AVL9: variants seen among roughly 807,000 people sequenced by gnomAD.
AVL9 encodes the protein late secretory pathway protein AVL9 homolog.
In AVL9, 49 loss-of-function variants were observed where a neutral mutation model predicts 79.2. The ratio of observed to expected loss-of-function variants is 0.62; its 90% CI spans 0.49 to 0.79. The LOEUF (loss-of-function observed/expected upper bound fraction) is 0.79, where lower values mean the gene tolerates loss of function less well. Ranked by LOEUF, AVL9 falls within the 30% of genes least tolerant of loss-of-function variation. AVL9 has a pLI of 0.00. For synonymous variants in AVL9, 299 were observed against 280.6 expected, an observed-to-expected ratio of 1.07 and a Z score of -0.65; for missense variants, 682 against 776.8, an observed-to-expected ratio of 0.88 and a Z score of 1.45.
chr7:32,579,364 TATATA>T lies in AVL9; in HGVS notation c.1689-849_1689-845del, dbSNP rs1300827475. 1.1e-3 allele frequency among the ~76,000 whole-genome samples: 70 copies of T among 64,020 alleles called. 6 individuals carry two copies. Among genetic ancestry groups the T allele is most frequent in the African/African-American group, 2.1e-3 (28 of 13,096 alleles). The allele number at this position is 64,020 out of a possible 152,430, so 42.0% of individuals were successfully genotyped here. On this transcript the variant is annotated intron_variant, in intron 13 of 15. Transcript: ENST00000318709. ...CACATATTTTATATAATATATAACATATATAATATATGTTATATAACATATTATAT... is the reference window on the plus strand; with the variant it reads ...CACATATTTTATATAATATATAACATATATATGTTATATAACATATTATAT...
At chr7:32,577,693 G>A (rs923355829) in intron 13 of AVL9, among the ~76,000 whole-genome samples, 13 of 152,194 alleles carry the variant, frequency 8.5e-5, no homozygotes, top group African/African-American at 2.9e-4. Flanking sequence ...CAGCTCTATA[G>A]ATGTTAGTGC....
chr7:32,517,502 C>A (rs1033809152), intron 1 of AVL9, among the ~76,000 whole-genome samples: 1 of 151,958 alleles, frequency 6.6e-6, no homozygotes, highest in Non-Finnish European at 1.5e-5. Context: ...GACGGGGTTT[C>A]ACCATCTTGG....
rs545286464 is a variant in AVL9 at position 32,579,618 on chromosome 7, A to G, written c.1689-601A>G. ...TATTATATATTATATTATATATTAT[A>G]TATATATAATACACTTTTTTCTTTT... On this transcript the variant is annotated intron_variant, in intron 13 of 15. Coordinates refer to ENST00000318709, the MANE Select transcript of AVL9 (RefSeq NM_015060.3). Among the ~76,000 whole-genome samples, 43 of 83,220 alleles carry G rather than the reference A, an allele frequency of 5.2e-4. 1 individual carries two copies. Among genetic ancestry groups the G allele is most frequent in the Non-Finnish European group, 7.9e-4 (36 of 45,604 alleles). 54.6% of individuals were successfully genotyped at this position (83,220 alleles called of 152,430 possible). A position where few individuals can be genotyped will look rare whatever the true frequency, so the allele number is the denominator to read the frequency against.
intron 2 of AVL9, among the ~76,000 whole-genome samples, chr7:32,543,768 G>A (rs1386356112): frequency 6.6e-6 from 1 of 152,220 alleles, no homozygotes; most frequent in Non-Finnish European, 1.5e-5. Context: ...GCAGGGCTGT[G>A]AAGTTCTTAC....
At chr7:32,546,030 GCTCTGAAACAATGATTTTTAA>G (rs1226503943) in intron 3 of AVL9, among the ~76,000 whole-genome samples, 1 of 144,612 alleles carries the variant, frequency 6.9e-6, no homozygotes, top group African/African-American at 2.6e-5. Flanking sequence ...GACAACCACT[GCTCTGAAACAATGATTTTTAA>G]CTAGAATTAC....
At chr7:32,523,922 A>T (rs1270859144) in intron 1 of AVL9, among the ~76,000 whole-genome samples, 9 of 151,482 alleles carry the variant, frequency 5.9e-5, no homozygotes, top group Admixed American at 2.0e-4. Context: ...TTTAGTAGAG[A>T]TGGGGTTTCA....
intron 1 of AVL9, among the ~76,000 whole-genome samples, chr7:32,527,810 G>C (rs1788468514): frequency 6.6e-6 from 1 of 152,136 alleles, no homozygotes; most frequent in South Asian, 2.1e-4. Context: ...AAAATTCAAA[G>C]TGTGTTCCAC....
intron 12 of AVL9, among the ~76,000 whole-genome samples, chr7:32,574,841 G>A (rs908135366): frequency 1.4e-4 from 21 of 152,116 alleles, no homozygotes; most frequent in Admixed American, 1.4e-3. Context: ...AGTGTTCTTA[G>A]AACAACTTCT....
chr7:32,574,753 A>T (rs144199808), intron 12 of AVL9, among the ~76,000 whole-genome samples: 2 of 74,690 alleles, frequency 2.7e-5, no homozygotes, highest in African/African-American at 1.0e-4. Context: ...TCTGATCCCA[A>T]ACAGTTTGGC....
chr7:32,503,371 T>TACACACACACACACAC (rs1210453572), intron 1 of AVL9, among the ~76,000 whole-genome samples: 1 of 105,162 alleles, frequency 9.5e-6, no homozygotes, highest in Non-Finnish European at 1.8e-5. Flanking sequence ...GATATATATA[T>TACACACACACACACAC]ATACACACAC....
chr7:32,529,294 G>T (rs1314418790), intron 1 of AVL9, among the ~76,000 whole-genome samples: 1 of 152,146 alleles, frequency 6.6e-6, no homozygotes, highest in Non-Finnish European at 1.5e-5. Flanking sequence ...TTACCTATGG[G>T]GTTAAAACAG....
chr7:32,532,029 G>A (rs1788681786), intron 1 of AVL9: 1 of 152,204 alleles, frequency 6.6e-6, no homozygotes, highest in Admixed American at 6.5e-5. Context: ...CAGCGTCCAG[G>A]AAAAATGAGG....
intron 11 of AVL9, among the ~76,000 whole-genome samples, chr7:32,572,379 A>C (rs957470479): frequency 7.1e-6 from 1 of 140,778 alleles, no homozygotes; most frequent in East Asian, 2.3e-4. Context: ...CTGCTTCATC[A>C]TTATTGGTTA....
At chr7:32,568,588 G>T (rs1790688863) in intron 10 of AVL9, among the ~76,000 whole-genome samples, 2 of 152,114 alleles carry the variant, frequency 1.3e-5, no homozygotes, top group Admixed American at 1.3e-4. Flanking sequence ...CCCTATTCAT[G>T]AAGAGTTTGG....
At position 32,559,354 on chromosome 7, in the gene AVL9, C is replaced by A. The variant is rs772438816; in HGVS notation, c.1105C>A (p.Pro369Thr). The A allele has an allele frequency of 2.5e-5, 41 of 1,613,972 alleles. No homozygotes were observed. The highest frequency in any genetic ancestry group is 3.5e-5 in the Non-Finnish European group (41 of 1,180,048). ...GGACTCTGTCCCCTCAGAGAGTCTT[C>A]CAATTACTGTACAACCTCAAGCTAA... ...PKDSVPSESL[P>T]ITVQPQANTG... The change falls in exon 10 of 16, where the codon CCA (proline) becomes ACA (threonine). Residue 369 changes from proline to threonine, a missense_variant. By Grantham distance (38) the Pro-to-Thr change is conservative. Coordinates refer to ENST00000318709, the MANE Select transcript of AVL9 (RefSeq NM_015060.3).
intron 6 of AVL9, 152 bp from the exon 7 acceptor site, chr7:32,553,575 T>TC (rs1789928525): frequency 1.6e-6 from 1 of 614,692 alleles, no homozygotes; most frequent in African/African-American, 1.8e-5. Context: ...AGTATATGTG[T>TC]ACCTAATCAA....
chr7:32,569,555 G>A (rs1028320475), intron 10 of AVL9, among the ~76,000 whole-genome samples: 5 of 152,126 alleles, frequency 3.3e-5, no homozygotes, highest in Admixed American at 2.0e-4. Flanking sequence ...AACATAGGAC[G>A]GTATAACAAA....
rs1790941478 is a variant in AVL9, at chr7:32,573,280, G to A, written c.1432G>A (p.Asp478Asn). 6.2e-7 allele frequency: 1 copy of A among 1,613,868 alleles called. No homozygotes were observed. The highest frequency in any genetic ancestry group is 8.5e-7 in the Non-Finnish European group (1 of 1,180,002). Reference sequence around the variant, plus strand: ...AACCACTGCAGACCTAAGGTTCGCAGACTACCTAGTGAGGCACGTGACTGA... The same window carrying A: ...AACCACTGCAGACCTAAGGTTCGCAAACTACCTAGTGAGGCACGTGACTGA... ...NPTTADLRFA[D>N]YLVRHVTENR... The change falls in exon 12 of 16, where the codon GAC (aspartate) becomes AAC (asparagine). Residue 478 changes from aspartate to asparagine, a missense_variant. Coordinates refer to ENST00000318709, the MANE Select transcript of AVL9 (RefSeq NM_015060.3).
At chr7:32,563,226 T>C (rs1339468164) in intron 10 of AVL9, among the ~76,000 whole-genome samples, 2 of 152,004 alleles carry the variant, frequency 1.3e-5, no homozygotes, top group Non-Finnish European at 2.9e-5. Flanking sequence ...GAGACAGGGT[T>C]TCACTATGTT....
Sources: allele counts gnomAD v4.1 joint callset (sites outside exome capture counted in the v4.1 genomes callset), GRCh38; gene constraint gnomAD v4.1.1; transcripts MANE v1.5; gene names NCBI Gene and HGNC (gene_info 2026-07-23, HGNC 2026-07-21).